Variants in P2RX7 observed in about 807,000 individuals in gnomAD.
P2RX7 encodes the protein P2X purinoceptor 7.
P2RX7 carries 62 observed loss-of-function variants against 71.6 expected under a neutral mutation model. The observed-to-expected ratio is 0.87, with a 90% confidence interval of 0.71 to 1.07. P2RX7 has a LOEUF of 1.07. Among genes scored for constraint, P2RX7 ranks in the 50% least tolerant of loss-of-function variants. P2RX7 has a pLI of 0.00. For synonymous variants in P2RX7, 299 were observed against 283.3 expected (o/e 1.06, Z -0.56); for missense variants, 686 against 748.5 (o/e 0.92, Z 0.97).
chr12:121,157,567 C>A (rs1491004037), intron 3 of P2RX7, among the ~76,000 whole-genome samples: 2 of 152,184 alleles, frequency 1.3e-5, no homozygotes, highest in Admixed American at 6.5e-5. Flanking sequence ...AGTTTGGGGG[C>A]CTGTTTCCCT....
At chr12:121,155,338 T>A in intron 2 of P2RX7, 3 of 1,299,628 alleles carry the variant, frequency 2.3e-6, no homozygotes, top group Non-Finnish European at 3.0e-6. Flanking sequence ...TGTGTAGCAT[T>A]TCATCAACAA....
At chr12:121,167,039 C>T (rs1216861750) in intron 7 of P2RX7, among the ~76,000 whole-genome samples, 2 of 140,172 alleles carry the variant, frequency 1.4e-5, no homozygotes, top group African/African-American at 5.4e-5. Context: ...GTGACAAGAG[C>T]GAAACTCCAT....
chr12:121,175,296 G>A (rs1328380989), intron 8 of P2RX7, 92 bp from the exon 9 acceptor site: 3 of 650,982 alleles, frequency 4.6e-6, no homozygotes, highest in African/African-American at 4.4e-5. Flanking sequence ...GGGTGACAGC[G>A]TGAGACCCTG....
intron 1 of P2RX7, among the ~76,000 whole-genome samples, chr12:121,142,150 T>G (rs1255062404): frequency 1.3e-5 from 2 of 152,216 alleles, no homozygotes; most frequent in East Asian, 3.9e-4. Context: ...GAGGCTGTAT[T>G]AGTTTCTATT....
Position 121,155,952 on chromosome 12 carries a change from T to C in P2RX7, c.295-127T>C, listed in dbSNP as rs1455892019. On this transcript the variant is annotated intron_variant, in intron 2 of 12. Transcript: ENST00000328963. The stretch of plus-strand genomic sequence containing the variant: ...ATTAAGCCCTTGGCATATTCCAAGT[T>C]GCCCACAGATCCTGATTTCTAGAAG... 5 of 806,676 alleles carry C rather than the reference T, an allele frequency of 6.2e-6. No homozygotes were observed. In the African/African-American group the frequency reaches 8.5e-5, roughly 14 times the overall value. The allele number at this position is 806,676 out of a possible 1,614,324, so 50.0% of individuals were successfully genotyped here.
chr12:121,170,119 T>C (rs962558929), intron 8 of P2RX7, among the ~76,000 whole-genome samples: 7 of 152,206 alleles, frequency 4.6e-5, no homozygotes, highest in African/African-American at 1.7e-4. Flanking sequence ...TCTGGATCAA[T>C]GGAATTTCAT....
chr12:121,170,046 C>T (rs1197478895), intron 8 of P2RX7, among the ~76,000 whole-genome samples: 1 of 152,130 alleles, frequency 6.6e-6, no homozygotes, highest in Non-Finnish European at 1.5e-5. Flanking sequence ...TCTGCCTGGC[C>T]CCTGTGTAGA....
Position 121,184,645 on chromosome 12 carries a change from G to A in P2RX7, c.1631G>A (p.Arg544Gln), listed in dbSNP as rs34567077. 7.2e-5 allele frequency: 115 copies of A among 1,603,124 alleles called. No homozygotes were observed. Among genetic ancestry groups the A allele is most frequent in the Admixed American group, 5.8e-4 (34 of 58,298 alleles). The change falls in exon 13 of 13, where the codon CGG becomes CAG. Residue 544 changes from arginine to glutamine, a missense_variant. Transcript: ENST00000328963. ...LALDVDSTNS[R>Q]LRHCAYRCYA... Reference sequence around the variant, plus strand: ...CTGGATGTGGATTCCACCAACAGCCGGCTGCGGCACTGTGCCTACAGGTGC... The same window carrying A: ...CTGGATGTGGATTCCACCAACAGCCAGCTGCGGCACTGTGCCTACAGGTGC...
intron 8 of P2RX7, among the ~76,000 whole-genome samples, chr12:121,175,146 C>T (rs1339065504): frequency 6.6e-6 from 1 of 151,376 alleles, no homozygotes; most frequent in Non-Finnish European, 1.5e-5. Flanking sequence ...CCCGTCTCTA[C>T]AAAAAATACA....
chr12:121,140,103 G>C (rs1214584932), intron 1 of P2RX7, among the ~76,000 whole-genome samples: 1 of 152,202 alleles, frequency 6.6e-6, no homozygotes, highest in Non-Finnish European at 1.5e-5. Flanking sequence ...TGACACCTGG[G>C]TGATGTGCTA....
intron 1 of P2RX7, among the ~76,000 whole-genome samples, chr12:121,153,160 C>G (rs1393305525): frequency 1.3e-5 from 2 of 152,178 alleles, no homozygotes; most frequent in African/African-American, 4.8e-5. Flanking sequence ...CCGTGGAATC[C>G]TAGTCTCCAG....
At chr12:121,156,337 A>G (rs1255065925) in intron 3 of P2RX7, among the ~76,000 whole-genome samples, 190 bp downstream of exon 3, 1 of 152,212 alleles carries the variant, frequency 6.6e-6, no homozygotes, top group East Asian at 1.9e-4. Context: ...GTGTCTCTCC[A>G]TGGCCACCAG....
At chr12:121,169,378 T>C (rs1257371577) in intron 8 of P2RX7, among the ~76,000 whole-genome samples, 1 of 152,234 alleles carries the variant, frequency 6.6e-6, no homozygotes, top group African/African-American at 2.4e-5. Context: ...TCCATTCTAC[T>C]GTATCATTCC....
At chr12:121,155,326 A>G in intron 2 of P2RX7, 2 of 1,302,280 alleles carry the variant, frequency 1.5e-6, no homozygotes, top group Non-Finnish European at 2.0e-6. Context: ...GCCCTTCTAG[A>G]TTGTGTAGCA....
chr12:121,155,791 G>GT lies in P2RX7; in HGVS notation c.295-287dup, dbSNP rs1261923021. Among the ~76,000 whole-genome samples the GT allele has an allele frequency of 1.1e-4, 17 of 149,452 alleles. No individual in the cohort carries two copies. In the South Asian group the frequency reaches 3.5e-3, roughly 31 times the overall value. On this transcript the variant is annotated intron_variant, in intron 2 of 12. Coordinates refer to ENST00000328963, the MANE Select transcript of P2RX7 (RefSeq NM_002562.6). ...TTCAATTTAATGAGATTTTTACTGC[G>GT]TAAAAAAAAAACAAAAACAAAAACA...
At chr12:121,135,774 G>A (rs904442925) in intron 1 of P2RX7, among the ~76,000 whole-genome samples, 4 of 151,206 alleles carry the variant, frequency 2.6e-5, no homozygotes, top group East Asian at 1.9e-4. Context: ...AGGCCAAGGC[G>A]GGCAGGTCAC....
intron 4 of P2RX7, 69 bp downstream of exon 4, chr12:121,161,043 C>A: frequency 8.4e-7 from 1 of 1,185,602 alleles, no homozygotes; most frequent in Non-Finnish European, 1.3e-6. Flanking sequence ...ATTTGTGATG[C>A]CCAGGTCAGG....
At chr12:121,153,180 T>TG (rs1877819793) in intron 1 of P2RX7, among the ~76,000 whole-genome samples, 2 of 152,188 alleles carry the variant, frequency 1.3e-5, no homozygotes, top group African/African-American at 2.4e-5. Flanking sequence ...GGGATGGGAC[T>TG]GGGGACTTGA....
rs1188008409 is a variant in P2RX7 at position 121,167,503 on chromosome 12, A to C, written c.760A>C (p.Ile254Leu). The C allele has an allele frequency of 3.1e-6, 5 of 1,613,920 alleles. No homozygotes were observed. The highest frequency in any genetic ancestry group is 4.2e-6 in the Non-Finnish European group (5 of 1,179,954). Residue 254 changes from isoleucine to leucine, a missense_variant, in exon 8 of 13, where the codon ATT becomes CTT. Coordinates refer to ENST00000328963, the MANE Select transcript of P2RX7 (RefSeq NM_002562.6). ...GATCCTTCAGGGCGGAATAATGGGCATTGAGATCTACTGGGACTGCAACCT... is the reference window on the plus strand; with the variant it reads ...GATCCTTCAGGGCGGAATAATGGGCCTTGAGATCTACTGGGACTGCAACCT... ...DVAIQGGIMG[I>L]EIYWDCNLDR...
Sources: allele counts gnomAD v4.1 joint callset (sites outside exome capture counted in the v4.1 genomes callset), GRCh38; gene constraint gnomAD v4.1.1; transcripts MANE v1.5; gene names NCBI Gene and HGNC (gene_info 2026-07-23, HGNC 2026-07-21).